PHF3: variants seen among roughly 807,000 people sequenced by gnomAD.
PHF3 encodes the protein PHD finger protein 3.
In PHF3, 41 loss-of-function variants were observed where a neutral mutation model predicts 178.4. That is an observed-to-expected ratio of 0.23 (90% CI 0.18 to 0.30). PHF3 has a LOEUF of 0.30. PHF3 is among the 10% of genes least tolerant of loss of function. The pLI is 1.00. For missense variants in PHF3, 2,346 were observed against 2,398.1 expected (o/e 0.98, Z 0.45); for synonymous variants, 842 against 800.5 (o/e 1.05, Z -0.88).
chr6:63,694,207 G>A (rs1021601372), intron 5 of PHF3, among the ~76,000 whole-genome samples: 22 of 152,254 alleles, frequency 1.4e-4, no homozygotes, highest in Middle Eastern at 3.4e-3. Context: ...AATTAAAATT[G>A]CCAATAGGCA....
rs541237349 is a variant in PHF3 at position 63,716,159 on chromosome 6, G to C, written c.*2451G>C. 1.3e-5 allele frequency among the ~76,000 whole-genome samples: 2 copies of C among 152,118 alleles called. No individual in the cohort carries two copies. Among genetic ancestry groups the C allele is most frequent in the Non-Finnish European group, 2.9e-5 (2 of 68,008 alleles). On this transcript the variant is annotated 3_prime_UTR_variant, in exon 16 of 16. Coordinates refer to ENST00000262043, the MANE Select transcript of PHF3 (RefSeq NM_001370348.2). Reference sequence around the variant, plus strand: ...AGTATAAACATTGGTCAACTCAAAGGTGAAGGCTTAGAGCTGAGGAAACTG... The same window carrying C: ...AGTATAAACATTGGTCAACTCAAAGCTGAAGGCTTAGAGCTGAGGAAACTG...
intron 11 of PHF3, among the ~76,000 whole-genome samples, chr6:63,705,341 C>T (rs1320086420): frequency 2.0e-5 from 3 of 152,194 alleles, no homozygotes; most frequent in East Asian, 1.9e-4. Flanking sequence ...CCTCAACCCC[C>T]GGGCCACAAA....
chr6:63,703,730 A>C (rs764866476), intron 11 of PHF3, 59 bp downstream of exon 11: 15 of 1,487,214 alleles, frequency 1.0e-5, no homozygotes, highest in Non-Finnish European at 1.4e-5. Flanking sequence ...GGATACTTAG[A>C]TACTAGTATA....
In PHF3 at chr6:63,687,154, T is replaced by C. The variant is rs546364278; in HGVS notation, c.2189+1243T>C. On this transcript the variant is annotated intron_variant, in intron 4 of 15. Coordinates refer to ENST00000262043, the MANE Select transcript of PHF3 (RefSeq NM_001370348.2). ...CCTTACTCAGCCAGGCGCAGTCGCA[T>C]GCCTGTAATCCCAGCACTTTGGGAG... Among the ~76,000 whole-genome samples the C allele has an allele frequency of 2.0e-5, 3 of 152,310 alleles. No individual in the cohort carries two copies. The South Asian group carries it at 6.2e-4, about 32-fold the overall frequency.
chr6:63,689,648 T>TA lies in PHF3; in HGVS notation c.2190-2088dup, dbSNP rs547455819. On this transcript the variant is annotated intron_variant, in intron 4 of 15. Coordinates refer to ENST00000262043, the MANE Select transcript of PHF3 (RefSeq NM_001370348.2). ...GATGGCACTAGAGTTTTGCTTTTTATAGCCTCTCAAGTTTGAATGAGACAT... is the reference window on the plus strand; with the variant it reads ...GATGGCACTAGAGTTTTGCTTTTTATAAGCCTCTCAAGTTTGAATGAGACAT... Among the ~76,000 whole-genome samples the TA allele has an allele frequency of 2.6e-5, 4 of 152,332 alleles. No individual in the cohort carries two copies. In the South Asian group the frequency reaches 6.2e-4, roughly 24 times the overall value.
chr6:63,719,615 AAAT>A lies in PHF3; in HGVS notation c.*5912_*5914del, dbSNP rs369842650. Among the ~76,000 whole-genome samples the A allele has an allele frequency of 2.8e-4, 43 of 152,228 alleles. No homozygotes were observed. The East Asian group carries it at 6.6e-3, about 23-fold the overall frequency. On this transcript the variant is annotated 3_prime_UTR_variant, in exon 16 of 16. Coordinates refer to ENST00000262043, the MANE Select transcript of PHF3 (RefSeq NM_001370348.2). ...ATTGTATCAGTAACTGTTTTGGGAA[AAAT>A]AATATTTTTTCAAGTTATGCTATCA...
intron 13 of PHF3, among the ~76,000 whole-genome samples, chr6:63,708,591 T>A (rs563938890): frequency 5.6e-4 from 85 of 152,344 alleles, no homozygotes; most frequent in African/African-American, 2.0e-3. Flanking sequence ...AAAATAGGAA[T>A]GTACTGAATA....
chr6:63,656,870 T>C (rs1765256704), intron 2 of PHF3, among the ~76,000 whole-genome samples: 1 of 152,240 alleles, frequency 6.6e-6, no homozygotes, highest in African/African-American at 2.4e-5. Context: ...GCTGCTGTGT[T>C]GCCTGATACT....
Position 63,713,767 on chromosome 6 carries a change from A to C in PHF3, c.*59A>C. The C allele has an allele frequency of 7.3e-7, 1 of 1,362,072 alleles. No individual in the cohort carries two copies. The allele number at this position is 1,362,072 out of a possible 1,614,324, so 84.4% of individuals were successfully genotyped here. On this transcript the variant is annotated 3_prime_UTR_variant, in exon 16 of 16. Transcript: ENST00000262043. ...AACTGTTAAAATGTTGTATCTTGTA[A>C]ACAAAAGAAAGATTGCCTGCTAGGA...
Position 63,685,290 on chromosome 6 carries a change from T to G in PHF3, c.1568T>G (p.Val523Gly), listed in dbSNP as rs1175720238. 1 of 1,613,846 alleles carries G rather than the reference T, an allele frequency of 6.2e-7. No individual in the cohort carries two copies. The highest frequency in any genetic ancestry group is 8.5e-7 in the Non-Finnish European group (1 of 1,179,988). Residue 523 changes from valine to glycine, a missense_variant, in exon 4 of 16, where the codon GTT becomes GGT. Transcript: ENST00000262043. ...KYEVIHSKTK[V>G]NVKSVKRNTD... Reference sequence around the variant, plus strand: ...GAAGTAATACATAGCAAAACTAAAGTTAATGTCAAAAGTGTGAAACGAAAT... The same window carrying G: ...GAAGTAATACATAGCAAAACTAAAGGTAATGTCAAAAGTGTGAAACGAAAT...
intron 2 of PHF3, among the ~76,000 whole-genome samples, chr6:63,677,764 A>G (rs188413229): frequency 6.0e-4 from 91 of 152,308 alleles, no homozygotes; most frequent in African/African-American, 2.1e-3. Flanking sequence ...ATTCCTTACA[A>G]CTAAATCACT....
rs1768443135 is a variant in PHF3 at position 63,722,583 on chromosome 6, T to G, written c.*8875T>G. On this transcript the variant is annotated 3_prime_UTR_variant, in exon 16 of 16. Transcript: ENST00000262043. ...CTTGGAAAAAGCATGTTCTTCACTGTAAGATTGCTTGAAGAGGATAGCAAA... is the reference window on the plus strand; with the variant it reads ...CTTGGAAAAAGCATGTTCTTCACTGGAAGATTGCTTGAAGAGGATAGCAAA... Among the ~76,000 whole-genome samples the G allele has an allele frequency of 6.6e-6, 1 of 152,240 alleles. No homozygotes were observed. The highest frequency in any genetic ancestry group is 2.4e-5 in the African/African-American group (1 of 41,478).
intron 2 of PHF3, among the ~76,000 whole-genome samples, chr6:63,666,301 G>A (rs1029103470): frequency 6.6e-6 from 1 of 151,956 alleles, no homozygotes; most frequent in Non-Finnish European, 1.5e-5. Context: ...AACACCTAAT[G>A]AAAGTAAATA....
At chr6:63,659,491 A>AAT (rs1470478560) in intron 2 of PHF3, among the ~76,000 whole-genome samples, 1 of 152,148 alleles carries the variant, frequency 6.6e-6, no homozygotes, top group African/African-American at 2.4e-5. Flanking sequence ...GAAGTTGAAA[A>AAT]AATAGTTAAA....
At position 63,725,912 on chromosome 6, in the gene PHF3, A is replaced by G. The variant is rs923135840; in HGVS notation, c.*12204A>G. Among the ~76,000 whole-genome samples, 4 of 152,190 alleles carry G rather than the reference A, an allele frequency of 2.6e-5. No homozygotes were observed. The highest frequency in any genetic ancestry group is 5.9e-5 in the Non-Finnish European group (4 of 67,994). ...AAAAATACTTAGCAATAGAGATGTA[A>G]CTATATGTGCAGATGTCTTTGTCAG... On this transcript the variant is annotated 3_prime_UTR_variant, in exon 16 of 16. Transcript: ENST00000262043.
At chr6:63,637,637 T>TTGA (rs1554145574) in intron 1 of PHF3, among the ~76,000 whole-genome samples, 8 of 152,106 alleles carry the variant, frequency 5.3e-5, no homozygotes, top group African/African-American at 1.4e-4. Flanking sequence ...GATTCTTTCC[T>TTGA]TCATCATCGT....
At chr6:63,682,999 GTTA>G (rs1766505589) in intron 3 of PHF3, among the ~76,000 whole-genome samples, 1 of 151,668 alleles carries the variant, frequency 6.6e-6, no homozygotes, top group Non-Finnish European at 1.5e-5. Context: ...TAAAATTTTA[GTTA>G]TTTAAAAAAA....
rs1301939334 is a variant in PHF3 at position 63,717,611 on chromosome 6, A to G, written c.*3903A>G. On this transcript the variant is annotated 3_prime_UTR_variant, in exon 16 of 16. Transcript: ENST00000262043. ...TTGAAAACTTGAGTTCACCATGTCA[A>G]GTTTCATCTTATAGATAGATGCAGA... Among the ~76,000 whole-genome samples the G allele has an allele frequency of 6.6e-6, 1 of 152,070 alleles. No homozygotes were observed. Among genetic ancestry groups the G allele is most frequent in the Non-Finnish European group, 1.5e-5 (1 of 67,978 alleles).
intron 2 of PHF3, among the ~76,000 whole-genome samples, chr6:63,661,337 A>C (rs1330026597): frequency 1.3e-5 from 2 of 152,222 alleles, no homozygotes; most frequent in Non-Finnish European, 2.9e-5. Flanking sequence ...AGAAGTTAAG[A>C]AAATAAAATG....
Sources: gnomAD v4.1 joint callset for allele counts (sites outside exome capture counted in the v4.1 genomes callset) on GRCh38, gnomAD v4.1.1 for gene constraint, MANE v1.5 for transcripts, NCBI Gene and HGNC (gene_info 2026-07-23, HGNC 2026-07-21) for gene names.